The following ST6GALNAC3 variants were observed in gnomAD, a reference collection of about 807,000 sequenced individuals.
ST6GALNAC3 encodes the protein alpha-N-acetylgalactosaminide alpha-2,6-sialyltransferase 3.
In ST6GALNAC3, 25 loss-of-function variants were observed where a neutral mutation model predicts 32.7. The ratio of observed to expected loss-of-function variants is 0.76; its 90% CI spans 0.56 to 1.07. ST6GALNAC3 has a LOEUF of 1.07. ST6GALNAC3 is among the 50% of genes least tolerant of loss of function. The probability of loss-of-function intolerance (pLI) is 0.00; values close to 1 mark genes in which losing one functional copy is unlikely to be tolerated. For missense variants in ST6GALNAC3, 355 were observed against 382.4 expected (o/e 0.93, Z 0.60); for synonymous variants, 129 against 133.1 (o/e 0.97, Z 0.21).
At chr1:76,279,640 A>AGTC (rs1479099864) in intron 1 of ST6GALNAC3, among the ~76,000 whole-genome samples, 2 of 152,256 alleles carry the variant, frequency 1.3e-5, no homozygotes, top group South Asian at 4.1e-4. Flanking sequence ...CAGTGCCTGG[A>AGTC]GTCGTGTCTG....
chr1:76,565,165 A>ATT (rs1438740997), intron 3 of ST6GALNAC3, among the ~76,000 whole-genome samples: 1 of 152,126 alleles, frequency 6.6e-6, no homozygotes, highest in Non-Finnish European at 1.5e-5. Flanking sequence ...TTGGGTCAGC[A>ATT]TTAAGGGGGC....
intron 3 of ST6GALNAC3, among the ~76,000 whole-genome samples, chr1:76,589,118 G>C (rs1315858996): frequency 3.9e-5 from 6 of 152,086 alleles, no homozygotes; most frequent in Admixed American, 3.9e-4. Flanking sequence ...CTATGTCTCT[G>C]TGCGGCTCTG....
chr1:76,137,620 T>A (rs758309613), intron 1 of ST6GALNAC3, among the ~76,000 whole-genome samples: 2 of 152,198 alleles, frequency 1.3e-5, no homozygotes, highest in Admixed American at 6.5e-5. Flanking sequence ...TGTCTTTATG[T>A]GTATTCTTCA....
intron 3 of ST6GALNAC3, among the ~76,000 whole-genome samples, chr1:76,413,708 A>C (rs545836219): frequency 7.1e-4 from 108 of 152,266 alleles, no homozygotes; most frequent in African/African-American, 2.6e-3. Context: ...AGTTAGCAAG[A>C]AGAATCCCAA....
intron 1 of ST6GALNAC3, among the ~76,000 whole-genome samples, chr1:76,168,097 T>G (rs1293393204): frequency 6.6e-6 from 1 of 152,178 alleles, no homozygotes; most frequent in African/African-American, 2.4e-5. Flanking sequence ...CTTGAGATCT[T>G]TCTAATTTTT....
chr1:76,409,965 C>G (rs1245191524), intron 2 of ST6GALNAC3, among the ~76,000 whole-genome samples: 3 of 152,120 alleles, frequency 2.0e-5, no homozygotes, highest in Non-Finnish European at 4.4e-5. Flanking sequence ...TAAGCGGCTT[C>G]TCTCCATCTC....
chr1:76,184,589 C>G (rs1316912241), intron 1 of ST6GALNAC3, among the ~76,000 whole-genome samples: 1 of 150,854 alleles, frequency 6.6e-6, no homozygotes, highest in Non-Finnish European at 1.5e-5. Context: ...CCAGGGGATT[C>G]TAGCTCTTCA....
intron 3 of ST6GALNAC3, among the ~76,000 whole-genome samples, chr1:76,425,157 CA>C (rs1392998682): frequency 1.3e-5 from 2 of 152,120 alleles, no homozygotes; most frequent in African/African-American, 4.8e-5. Flanking sequence ...AGCACATCCA[CA>C]TTTCAAAAAT....
At chr1:76,584,088 C>T (rs1646927982) in intron 3 of ST6GALNAC3, among the ~76,000 whole-genome samples, 1 of 152,142 alleles carries the variant, frequency 6.6e-6, no homozygotes, top group Non-Finnish European at 1.5e-5. Context: ...AAATCCTCAC[C>T]ACAAACCTAT....
intron 1 of ST6GALNAC3, among the ~76,000 whole-genome samples, chr1:76,308,769 G>A (rs866833877): frequency 3.3e-5 from 5 of 152,142 alleles, no homozygotes; most frequent in Admixed American, 3.3e-4. Flanking sequence ...TTGGAAAGTG[G>A]AGAATATTTT....
chr1:76,558,510 G>T (rs537576218), intron 3 of ST6GALNAC3, among the ~76,000 whole-genome samples: 1 of 152,264 alleles, frequency 6.6e-6, no homozygotes, highest in South Asian at 2.1e-4. Context: ...AATGCCACAT[G>T]TTCTCACTTA....
intron 3 of ST6GALNAC3, among the ~76,000 whole-genome samples, chr1:76,496,067 A>G (rs1294234749): frequency 6.6e-6 from 1 of 152,192 alleles, no homozygotes; most frequent in Non-Finnish European, 1.5e-5. Context: ...TTATTCTAGT[A>G]GACCATCTCT....
At chr1:76,127,133 T>C (rs952953616) in intron 1 of ST6GALNAC3, among the ~76,000 whole-genome samples, 2 of 152,222 alleles carry the variant, frequency 1.3e-5, no homozygotes, top group East Asian at 3.8e-4. Flanking sequence ...TAATGTGTTA[T>C]GTGAAATGCA....
rs182014260 is a variant in ST6GALNAC3, at chr1:76,117,727, A to G, written c.18+42843A>G. On this transcript the variant is annotated intron_variant, in intron 1 of 4. Transcript: ENST00000328299. Reference sequence around the variant, plus strand: ...ATTCCACACTGTGGTAAGATAATCAACTACTCTGATTACCTAGTAACTAAG... The same window carrying G: ...ATTCCACACTGTGGTAAGATAATCAGCTACTCTGATTACCTAGTAACTAAG... 4.5e-3 allele frequency among the ~76,000 whole-genome samples: 691 copies of G among 152,304 alleles called. 8 individuals carry two copies. Among genetic ancestry groups the G allele is most frequent in the African/African-American group, 0.015 (624 of 41,544 alleles).
At chr1:76,228,885 C>T (rs1656214164) in intron 1 of ST6GALNAC3, among the ~76,000 whole-genome samples, 1 of 152,132 alleles carries the variant, frequency 6.6e-6, no homozygotes, top group Non-Finnish European at 1.5e-5. Flanking sequence ...CCAGTCAGGA[C>T]CCTGCGCATT....
intron 3 of ST6GALNAC3, among the ~76,000 whole-genome samples, chr1:76,491,880 T>C (rs762781602): frequency 5.9e-5 from 9 of 152,190 alleles, no homozygotes; most frequent in Non-Finnish European, 1.3e-4. Flanking sequence ...CTACAAGCCA[T>C]GTAATTAGTT....
At chr1:76,094,257 G>C (rs931929827) in intron 1 of ST6GALNAC3, among the ~76,000 whole-genome samples, 1 of 152,178 alleles carries the variant, frequency 6.6e-6, no homozygotes, top group African/African-American at 2.4e-5. Flanking sequence ...GGAGATCACG[G>C]TCAAGATGAA....
intron 3 of ST6GALNAC3, among the ~76,000 whole-genome samples, chr1:76,436,158 C>G (rs950362563): frequency 1.3e-5 from 2 of 152,042 alleles, no homozygotes; most frequent in Non-Finnish European, 2.9e-5. Context: ...TTAAAGCATT[C>G]GAATGCAAAA....
chr1:76,460,102 C>A (rs754042225), intron 3 of ST6GALNAC3, among the ~76,000 whole-genome samples: 1 of 152,160 alleles, frequency 6.6e-6, no homozygotes, highest in Non-Finnish European at 1.5e-5. Flanking sequence ...TTCCTACTAG[C>A]AACGTTGAAG....
Sources: allele counts gnomAD v4.1 joint callset (sites outside exome capture counted in the v4.1 genomes callset), GRCh38; gene constraint gnomAD v4.1.1; transcripts MANE v1.5; gene names NCBI Gene and HGNC (gene_info 2026-07-23, HGNC 2026-07-21).